SLIT2: variants seen among roughly 807,000 people sequenced by gnomAD.
SLIT2 encodes slit homolog 2 protein.
A neutral mutation model predicts 185.7 loss-of-function variants in SLIT2; 41 were observed. The observed-to-expected ratio is 0.22, with a 90% CI of 0.17 to 0.29. The LOEUF (loss-of-function observed/expected upper bound fraction) is 0.29. Among genes scored for constraint, SLIT2 ranks in the 10% least tolerant of loss-of-function variants. The pLI, the probability that SLIT2 is intolerant of heterozygous loss-of-function variation, is 1.00. For synonymous variants in SLIT2, 693 were observed against 680.2 expected, an observed-to-expected ratio of 1.02 and a Z score of -0.29; for missense variants, 1,571 against 1,909.0, an observed-to-expected ratio of 0.82 and a Z score of 3.30.
rs745540204 is a variant in SLIT2 at position 20,254,037 on chromosome 4, G to C, written c.179+43G>C. 6.4e-7 allele frequency: 1 copy of C among 1,568,450 alleles called. No individual in the cohort carries two copies. The highest frequency in any genetic ancestry group is 8.6e-7 in the Non-Finnish European group (1 of 1,157,124). ...GTCTTCCCCTCTCCCCATCCGGGCC[G>C]CGCACCCCTGCCTCCACTGGAGGAA... On this transcript the variant is annotated intron_variant, in intron 1 of 36. Coordinates refer to ENST00000504154, the MANE Select transcript of SLIT2 (RefSeq NM_004787.4). This position sits in a 1 kb window ranked among gnomAD's most constrained non-coding sequence, Gnocchi z 5.1.
chr4:20,483,155 T>C (rs1263213264), intron 6 of SLIT2, among the ~76,000 whole-genome samples: 1 of 152,070 alleles, frequency 6.6e-6, no homozygotes, highest in Non-Finnish European at 1.5e-5. Flanking sequence ...GTTTTAGATT[T>C]TTTAAAATTT....
In SLIT2 at chr4:20,291,707, C is replaced by T. The variant is rs577334950; in HGVS notation, c.395+22826C>T. Among the ~76,000 whole-genome samples the T allele has an allele frequency of 3.5e-3, 531 of 151,310 alleles. 2 individuals are homozygous for T. The highest frequency in any genetic ancestry group is 0.012 in the African/African-American group (500 of 41,202). ...AGAAGTAATTTATAAATGGTGAAGG[C>T]GTATGTTCAAAAAATTTTGCTGATG... On this transcript the variant is annotated intron_variant, in intron 4 of 36. Transcript: ENST00000504154.
intron 15 of SLIT2, among the ~76,000 whole-genome samples, chr4:20,526,442 A>G (rs1445648995): frequency 6.6e-6 from 1 of 152,154 alleles, no homozygotes; most frequent in Non-Finnish European, 1.5e-5. Context: ...ATTTAACCAG[A>G]AAAAGCCATA....
chr4:20,466,165 T>C (rs1383346289), intron 4 of SLIT2, among the ~76,000 whole-genome samples: 2 of 152,180 alleles, frequency 1.3e-5, no homozygotes, highest in Non-Finnish European at 2.9e-5. Flanking sequence ...TTGCTTTCTC[T>C]TTGTTCTGTA....
At chr4:20,598,237 T>C (rs374643163) in intron 32 of SLIT2, 28 bp from the exon 33 acceptor site, 7 of 1,612,232 alleles carry the variant, frequency 4.3e-6, no homozygotes, top group Non-Finnish European at 5.9e-6. Flanking sequence ...GTACACATCC[T>C]AGTAATGCCA....
chr4:20,306,259 G>A (rs1450360195), intron 4 of SLIT2, among the ~76,000 whole-genome samples: 1 of 152,062 alleles, frequency 6.6e-6, no homozygotes, highest in East Asian at 1.9e-4. Context: ...AAATGTTTTA[G>A]TTTTATTTTT....
intron 5 of SLIT2, among the ~76,000 whole-genome samples, chr4:20,477,332 G>A (rs1161284289): frequency 1.3e-5 from 2 of 151,918 alleles, no homozygotes; most frequent in African/African-American, 4.8e-5. Flanking sequence ...CCATGTAGCT[G>A]GGATTACAGG....
chr4:20,410,243 CTTTTTTTTTTTTT>C (rs1160985126), intron 4 of SLIT2, among the ~76,000 whole-genome samples: 6 of 69,050 alleles, frequency 8.7e-5, no homozygotes, highest in Admixed American at 1.9e-4. Flanking sequence ...TCTTTCTTTT[CTTTTTTTTTTTTT>C]TTTTTTTTTT....
At chr4:20,459,780 G>A (rs1713489113) in intron 4 of SLIT2, among the ~76,000 whole-genome samples, 1 of 151,352 alleles carries the variant, frequency 6.6e-6, no homozygotes, top group African/African-American at 2.4e-5. Flanking sequence ...GCCAGATTTT[G>A]TTACTTATCA....
At chr4:20,497,789 G>C (rs571373) in intron 9 of SLIT2, among the ~76,000 whole-genome samples, 107,394 of 151,428 alleles carry the variant, frequency 0.71, 38,270 homozygotes, top group East Asian at 0.91. Flanking sequence ...ACCATGGGTG[G>C]GGAAGACAGT....
At chr4:20,376,036 T>A (rs1046993968) in intron 4 of SLIT2, among the ~76,000 whole-genome samples, 3 of 151,200 alleles carry the variant, frequency 2.0e-5, no homozygotes, top group Non-Finnish European at 4.4e-5. Context: ...CCATTATATG[T>A]TAACATAAAT....
chr4:20,390,807 T>A lies in SLIT2; in HGVS notation c.396-76945T>A, dbSNP rs140402845. On this transcript the variant is annotated intron_variant, in intron 4 of 36. Transcript: ENST00000504154. ...ATATATATACTAAGACAATTAGACTTCCCCAAATACCATAAAACAGACCTT... is the reference window on the plus strand; with the variant it reads ...ATATATATACTAAGACAATTAGACTACCCCAAATACCATAAAACAGACCTT... Among the ~76,000 whole-genome samples the A allele has an allele frequency of 6.8e-3, 1,026 of 151,602 alleles. 22 individuals are homozygous for A. The highest frequency in any genetic ancestry group is 0.023 in the African/African-American group (970 of 41,452).
chr4:20,419,060 T>C lies in SLIT2; in HGVS notation c.396-48692T>C, dbSNP rs117894353. Among the ~76,000 whole-genome samples, 3 of 152,316 alleles carry C rather than the reference T, an allele frequency of 2.0e-5. No individual in the cohort carries two copies. The East Asian group carries it at 5.8e-4, about 29-fold the overall frequency. ...ACCAGTTTCCCAGTAGATGGCACCA[T>C]TGTGACTCACAATGTTGCTCCACCT... On this transcript the variant is annotated intron_variant, in intron 4 of 36. Transcript: ENST00000504154.
At chr4:20,508,919 G>C (rs2148822810) in intron 9 of SLIT2, among the ~76,000 whole-genome samples, 1 of 152,148 alleles carries the variant, frequency 6.6e-6, no homozygotes, top group South Asian at 2.1e-4. Context: ...AGCACCATGA[G>C]AAGGGCTTTG....
At chr4:20,268,708 T>G in intron 3 of SLIT2, 102 bp from the exon 4 acceptor site, 1 of 812,692 alleles carries the variant, frequency 1.2e-6, no homozygotes, top group Non-Finnish European at 2.2e-6. Context: ...TGTCATTTCA[T>G]TCTTTTCTGA....
At chr4:20,512,964 C>T (rs912744158) in intron 11 of SLIT2, among the ~76,000 whole-genome samples, 1 of 152,034 alleles carries the variant, frequency 6.6e-6, no homozygotes, top group Non-Finnish European at 1.5e-5. Flanking sequence ...TTACTTCTTT[C>T]AATAAATTAC....
chr4:20,570,027 ACTAGGTACCTTT>A (rs1488943114), intron 29 of SLIT2, among the ~76,000 whole-genome samples: 1 of 152,108 alleles, frequency 6.6e-6, no homozygotes, highest in African/African-American at 2.4e-5. Context: ...ACTGAACTTT[ACTAGGTACCTTT>A]CTTGATGGGA....
Position 20,396,753 on chromosome 4 carries a change from T to A in SLIT2, c.396-70999T>A, listed in dbSNP as rs940946424. ...CAAAACCACCCCTATTTATCTCTTTTTTTTTACCCCTTTGTGTATGCATAT... is the reference window on the plus strand; with the variant it reads ...CAAAACCACCCCTATTTATCTCTTTATTTTTACCCCTTTGTGTATGCATAT... On this transcript the variant is annotated intron_variant, in intron 4 of 36. Transcript: ENST00000504154. 2.7e-5 allele frequency among the ~76,000 whole-genome samples: 4 copies of A among 150,416 alleles called. 1 individual carries two copies. The Admixed American group carries it at 2.7e-4, about 10-fold the overall frequency.
chr4:20,302,439 G>C (rs191705560), intron 4 of SLIT2, among the ~76,000 whole-genome samples: 2 of 151,986 alleles, frequency 1.3e-5, no homozygotes, highest in African/African-American at 4.8e-5. Flanking sequence ...AATGGGGGAG[G>C]GACAAGTTAA....
Sources: gnomAD v4.1 joint callset for allele counts (sites outside exome capture counted in the v4.1 genomes callset) on GRCh38, gnomAD v4.1.1 for gene constraint, Gnocchi (gnomAD v3.1) non-coding constraint, MANE v1.5 for transcripts, NCBI Gene and HGNC (gene_info 2026-07-23, HGNC 2026-07-21) for gene names.